LDB2: variants seen among roughly 807,000 people sequenced by gnomAD.
The protein encoded by LDB2 is LIM domain-binding protein 2.
Under a neutral mutation model 44.3 loss-of-function variants are expected in LDB2, and 12 were observed. That is an observed-to-expected ratio of 0.27 (90% CI 0.17 to 0.44). The LOEUF is 0.44. Among genes scored for constraint, LDB2 ranks in the 20% least tolerant of loss-of-function variants. LDB2 has a pLI of 1.00. For missense variants in LDB2, 344 were observed against 473.5 expected, an observed-to-expected ratio of 0.73 and a Z score of 2.54; for synonymous variants, 164 against 174.8, an observed-to-expected ratio of 0.94 and a Z score of 0.49.
At chr4:16,798,497 A>C (rs1777163735) in intron 1 of LDB2, among the ~76,000 whole-genome samples, 1 of 152,186 alleles carries the variant, frequency 6.6e-6, no homozygotes, top group Non-Finnish European at 1.5e-5. Context: ...AACAAAATCA[A>C]TTGTTATCTA....
intron 1 of LDB2, among the ~76,000 whole-genome samples, chr4:16,803,489 C>T (rs1182024940): frequency 6.6e-6 from 1 of 152,088 alleles, no homozygotes; most frequent in African/African-American, 2.4e-5. Flanking sequence ...GACCACAGGG[C>T]AAAGTTTGTT....
At chr4:16,602,085 C>T (rs1012776080) in intron 2 of LDB2, among the ~76,000 whole-genome samples, 2 of 152,086 alleles carry the variant, frequency 1.3e-5, no homozygotes, top group African/African-American at 4.8e-5. Context: ...AACTAATTTA[C>T]TTGAATATTT....
chr4:16,646,168 A>G (rs1363042128), intron 2 of LDB2, among the ~76,000 whole-genome samples: 2 of 152,230 alleles, frequency 1.3e-5, no homozygotes, highest in Non-Finnish European at 2.9e-5. Flanking sequence ...ATTAAAGCAC[A>G]TCTCCAAAGA....
intron 2 of LDB2, among the ~76,000 whole-genome samples, chr4:16,738,328 A>G (rs1306602292): frequency 6.6e-6 from 1 of 152,214 alleles, no homozygotes; most frequent in Non-Finnish European, 1.5e-5. Flanking sequence ...TGTCACCCTG[A>G]GACTCAAATA....
chr4:16,507,120 A>T (rs983937596), intron 7 of LDB2: 3 of 152,122 alleles, frequency 2.0e-5, no homozygotes, highest in Non-Finnish European at 2.9e-5. Flanking sequence ...TGATCTTCAG[A>T]GGTATTAGGT....
intron 5 of LDB2, among the ~76,000 whole-genome samples, chr4:16,518,980 C>T (rs937777039): frequency 4.6e-5 from 7 of 152,186 alleles, no homozygotes; most frequent in African/African-American, 1.4e-4. Flanking sequence ...CCTCTGTCTC[C>T]GACCATCCTA....
intron 1 of LDB2, among the ~76,000 whole-genome samples, chr4:16,775,005 A>C (rs1771588645): frequency 6.6e-6 from 1 of 152,260 alleles, no homozygotes; most frequent in Non-Finnish European, 1.5e-5. Context: ...CATGTGCCTC[A>C]AAACACTATG....
intron 5 of LDB2, among the ~76,000 whole-genome samples, chr4:16,560,108 A>G (rs1290035501): frequency 2.0e-5 from 3 of 152,364 alleles, no homozygotes; most frequent in African/African-American, 2.4e-5. Flanking sequence ...CCCACAAGAG[A>G]AAGCAGGAAA....
chr4:16,874,864 A>T (rs564706915), intron 1 of LDB2, among the ~76,000 whole-genome samples: 1 of 152,290 alleles, frequency 6.6e-6, no homozygotes, highest in South Asian at 2.1e-4. Context: ...AGCCTTGTTT[A>T]TGTATGCACA....
At chr4:16,836,513 C>T (rs1358202233) in intron 1 of LDB2, among the ~76,000 whole-genome samples, 1 of 152,132 alleles carries the variant, frequency 6.6e-6, no homozygotes, top group African/African-American at 2.4e-5. Context: ...TTTATCTTGC[C>T]TAACTGTTGC....
intron 1 of LDB2, among the ~76,000 whole-genome samples, chr4:16,814,132 A>C: frequency 6.6e-6 from 1 of 152,028 alleles, no homozygotes; most frequent in East Asian, 1.9e-4. Context: ...GGCCTTCCAA[A>C]GTGTTGGGAT....
chr4:16,517,879 GTGGA>G (rs34267672), intron 5 of LDB2, among the ~76,000 whole-genome samples: 67,353 of 148,516 alleles, frequency 0.45, 15,371 homozygotes, highest in Middle Eastern at 0.52. Context: ...TGATGAATGA[GTGGA>G]TGGATGGATG....
intron 2 of LDB2, among the ~76,000 whole-genome samples, chr4:16,607,012 G>A (rs1724135456): frequency 6.6e-6 from 1 of 152,172 alleles, no homozygotes; most frequent in Admixed American, 6.5e-5. Context: ...TTTCCTTTCT[G>A]TAGAGAGAAG....
At chr4:16,718,758 C>T (rs1314478360) in intron 2 of LDB2, among the ~76,000 whole-genome samples, 1 of 152,110 alleles carries the variant, frequency 6.6e-6, no homozygotes, top group African/African-American at 2.4e-5. Flanking sequence ...AGAAATCAGT[C>T]TTTCCCAATC....
At position 16,709,898 on chromosome 4, in the gene LDB2, G is replaced by A. The variant is rs370875123; in HGVS notation, c.235+49260C>T. On this transcript the variant is annotated intron_variant, in intron 2 of 7. Transcript: ENST00000304523. The stretch of plus-strand genomic sequence containing the variant: ...AGGTTCTCTACCTGGCCAATTTTAC[G>A]CATCCATACACCCCTAGAGATATTT... Among the ~76,000 whole-genome samples the A allele has an allele frequency of 3.2e-4, 48 of 152,138 alleles. 1 individual carries two copies. In the South Asian group the frequency reaches 9.1e-3, roughly 29 times the overall value.
chr4:16,608,110 T>C (rs988508193), intron 2 of LDB2, among the ~76,000 whole-genome samples: 17 of 149,730 alleles, frequency 1.1e-4, no homozygotes, highest in African/African-American at 2.7e-4. Context: ...AAGTCTCCTA[T>C]CTAAGACAAC....
intron 1 of LDB2, among the ~76,000 whole-genome samples, chr4:16,822,812 G>A (rs1968860): frequency 0.27 from 41,753 of 152,066 alleles, 6,132 homozygotes; most frequent in South Asian, 0.44. Context: ...CACCGTGCCC[G>A]ACCACGTGCT....
At chr4:16,739,731 TGTATATACATACATATAC>T (rs1286500509) in intron 2 of LDB2, among the ~76,000 whole-genome samples, 3 of 105,022 alleles carry the variant, frequency 2.9e-5, no homozygotes, top group Non-Finnish European at 5.4e-5. Context: ...TACATATATG[TGTATATACATACATATAC>T]ATATATATAT....
At chr4:16,659,952 A>G (rs528042902) in intron 2 of LDB2, among the ~76,000 whole-genome samples, 3 of 152,246 alleles carry the variant, frequency 2.0e-5, no homozygotes, top group Admixed American at 1.3e-4. Flanking sequence ...TTATTTGAAA[A>G]TGTACTATTC....
Sources: allele counts gnomAD v4.1 joint callset (sites outside exome capture counted in the v4.1 genomes callset), GRCh38; gene constraint gnomAD v4.1.1; transcripts MANE v1.5; gene names NCBI Gene and HGNC (gene_info 2026-07-23, HGNC 2026-07-21).